The following FGF14 variants were observed in gnomAD, a reference collection of about 807,000 sequenced individuals.
FGF14 encodes the protein fibroblast growth factor 14.
In FGF14, 5 loss-of-function variants were observed where a neutral mutation model predicts 25.5. The ratio of observed to expected loss-of-function variants is 0.20; its 90% CI spans 0.10 to 0.41. The LOEUF is 0.41. FGF14 is among the 10% of genes least tolerant of loss of function. The probability of loss-of-function intolerance (pLI) is 1.00; values close to 1 mark genes in which losing one functional copy is unlikely to be tolerated. For synonymous variants in FGF14, 138 were observed against 118.3 expected, an observed-to-expected ratio of 1.17 and a Z score of -1.08; for missense variants, 222 against 320.1, an observed-to-expected ratio of 0.69 and a Z score of 2.34.
intron 3 of FGF14, among the ~76,000 whole-genome samples, chr13:101,841,674 T>G (rs186628133): frequency 9.2e-5 from 14 of 152,126 alleles, no homozygotes; most frequent in Non-Finnish European, 1.9e-4. Context: ...AGGAAATCAA[T>G]GCTTGACCTT....
intron 1 of FGF14, among the ~76,000 whole-genome samples, chr13:102,055,358 C>T (rs1473129816): frequency 1.3e-5 from 2 of 152,214 alleles, no homozygotes; most frequent in Non-Finnish European, 2.9e-5. Flanking sequence ...ACGTTTATTG[C>T]TTTCCTCTAG....
chr13:102,372,178 A>C (rs943116650), intron 1 of FGF14, among the ~76,000 whole-genome samples: 4 of 152,188 alleles, frequency 2.6e-5, no homozygotes, highest in African/African-American at 9.7e-5. Flanking sequence ...CAAAAATAGT[A>C]ATGTATTAGT....
Position 101,720,432 on chromosome 13 carries a change from ATCTTG to A in FGF14, c.*2394_*2398del, listed in dbSNP as rs2034890509. On this transcript the variant is annotated 3_prime_UTR_variant, in exon 5 of 5. Coordinates refer to ENST00000376143, the MANE Select transcript of FGF14 (RefSeq NM_004115.4). ...AAATCTCAGTCATTTACAAAAATAA[ATCTTG>A]TCTTAATTTAAACCAATAAACAGAC... is the stretch of plus-strand genomic sequence containing the variant. 1 of 152,112 alleles carries A rather than the reference ATCTTG, an allele frequency of 6.6e-6. No homozygotes were observed. The highest frequency in any genetic ancestry group is 1.5e-5 in the Non-Finnish European group (1 of 67,998). 9.4% of individuals were successfully genotyped at this position (152,112 alleles called of 1,614,324 possible). A position where few individuals can be genotyped will look rare whatever the true frequency, so the allele number is the denominator to read the frequency against.
chr13:102,018,295 A>G (rs549279337), intron 1 of FGF14, among the ~76,000 whole-genome samples: 1 of 152,098 alleles, frequency 6.6e-6, no homozygotes, highest in South Asian at 2.1e-4. Context: ...TTTCACCAAC[A>G]TTTTCTTCCC....
intron 1 of FGF14, among the ~76,000 whole-genome samples, chr13:102,388,075 C>T (rs1251744180): frequency 1.3e-5 from 2 of 152,130 alleles, no homozygotes; most frequent in Non-Finnish European, 2.9e-5. Context: ...TCTCTTTCTC[C>T]ACTCTCAAGT....
intron 1 of FGF14, among the ~76,000 whole-genome samples, chr13:102,360,862 C>T (rs965564929): frequency 6.6e-6 from 1 of 152,008 alleles, no homozygotes; most frequent in African/African-American, 2.4e-5. Flanking sequence ...AGTACACATA[C>T]TTGTGCGTGC....
At chr13:102,398,785 G>A (rs1343112438) in intron 1 of FGF14, among the ~76,000 whole-genome samples, 1 of 151,330 alleles carries the variant, frequency 6.6e-6, no homozygotes, top group Non-Finnish European at 1.5e-5. Flanking sequence ...GGAATGGCTT[G>A]GCATGGGTTC....
rs529335382 is a variant in FGF14 at position 102,180,313 on chromosome 13, T to C, written c.208+221158A>G. 4.6e-5 allele frequency among the ~76,000 whole-genome samples: 7 copies of C among 152,222 alleles called. No individual in the cohort carries two copies. The South Asian group carries it at 1.5e-3, about 32-fold the overall frequency. On this transcript the variant is annotated intron_variant, in intron 1 of 4. Coordinates refer to the FGF14 transcript ENST00000376131. ...ACCAAGTAAGAGAAGCTATTTTCAT[T>C]ACTTTTTACTTTTTTTTGAGACAGA...
intron 1 of FGF14, among the ~76,000 whole-genome samples, chr13:102,228,377 TCCTCTCTAACACTGAAGGTGC>T: frequency 6.6e-6 from 1 of 152,288 alleles, no homozygotes; most frequent in Admixed American, 6.5e-5. Context: ...CTCATTATCT[TCCTCTCTAACACTGAAGGTGC>T]CCTCTGCCCC....
chr13:101,788,272 G>T (rs1429598997), intron 3 of FGF14, among the ~76,000 whole-genome samples: 1 of 152,064 alleles, frequency 6.6e-6, no homozygotes. Context: ...CCAGTGATAT[G>T]GGATAACCAC....
At chr13:101,885,668 T>C (rs4772419) in intron 1 of FGF14, among the ~76,000 whole-genome samples, 77,167 of 150,318 alleles carry the variant, frequency 0.51, 20,390 homozygotes, top group East Asian at 0.63. Context: ...AAAGCCTTTT[T>C]TTGTGTGTGT....
At chr13:102,329,019 C>T (rs1273025761) in intron 1 of FGF14, among the ~76,000 whole-genome samples, 12 of 152,134 alleles carry the variant, frequency 7.9e-5, no homozygotes. Context: ...CCAGTTCGTT[C>T]CTGACCTCTC....
intron 3 of FGF14, among the ~76,000 whole-genome samples, chr13:101,775,523 AGT>A (rs34273365): frequency 0.44 from 66,047 of 151,390 alleles, 15,468 homozygotes; most frequent in Non-Finnish European, 0.52. Context: ...TTCTGGGGTG[AGT>A]GTGTGTGTGT....
chr13:102,118,200 GATAA>G (rs1206397129), intron 1 of FGF14, among the ~76,000 whole-genome samples: 3 of 151,616 alleles, frequency 2.0e-5, no homozygotes, highest in South Asian at 4.2e-4. Flanking sequence ...CATTGTATAG[GATAA>G]ATAAATATAT....
upstream of FGF14, chr13:102,402,022 C>A: frequency 2.9e-6 from 1 of 344,040 alleles, no homozygotes; most frequent in Non-Finnish European, 5.3e-6. Flanking sequence ...GAGAAGACTG[C>A]CATTGTGTAG....
intron 1 of FGF14, among the ~76,000 whole-genome samples, chr13:102,128,212 C>A (rs187175695): frequency 1.0e-3 from 156 of 152,316 alleles, no homozygotes; most frequent in African/African-American, 3.6e-3. Context: ...AGCATTTAAT[C>A]CATAAGGCTG....
intron 1 of FGF14, among the ~76,000 whole-genome samples, chr13:101,946,223 C>T (rs1172492600): frequency 6.6e-6 from 1 of 152,000 alleles, no homozygotes; most frequent in African/African-American, 2.4e-5. Flanking sequence ...ACTCCCATGC[C>T]TTGGAGCTGA....
intron 3 of FGF14, among the ~76,000 whole-genome samples, chr13:101,825,942 A>T (rs1370654395): frequency 6.6e-6 from 1 of 152,172 alleles, no homozygotes; most frequent in Non-Finnish European, 1.5e-5. Context: ...AAGATAATAC[A>T]AGGAGTCCTC....
chr13:101,825,416 A>C (rs1222406411), intron 3 of FGF14, among the ~76,000 whole-genome samples: 1 of 152,216 alleles, frequency 6.6e-6, no homozygotes, highest in African/African-American at 2.4e-5. Context: ...CACAATCCTG[A>C]GTCTGTAACT....
Sources: allele counts gnomAD v4.1 joint callset (sites outside exome capture counted in the v4.1 genomes callset), GRCh38; gene constraint gnomAD v4.1.1; transcripts MANE v1.5; gene names NCBI Gene and HGNC (gene_info 2026-07-23, HGNC 2026-07-21).